The following CHRNA7 variants were observed in gnomAD, a reference collection of about 807,000 sequenced individuals.
CHRNA7 encodes cholinergic receptor nicotinic alpha 7 subunit, also known as neuronal acetylcholine receptor subunit alpha-7.
Under a neutral mutation model 48.0 loss-of-function variants are expected in CHRNA7, and 17 were observed. The ratio of observed to expected loss-of-function variants is 0.35; its 90% CI spans 0.24 to 0.53. CHRNA7 has a LOEUF of 0.53. Ranked by LOEUF, CHRNA7 falls within the 20% of genes least tolerant of loss-of-function variation. CHRNA7 has a pLI of 0.92. For missense variants in CHRNA7, 155 were observed against 577.7 expected (o/e 0.27, Z 7.50); for synonymous variants, 75 against 242.3 (o/e 0.31, Z 6.41).
intron 4 of CHRNA7, among the ~76,000 whole-genome samples, chr15:32,130,491 C>G (rs1473776615): frequency 6.6e-6 from 1 of 150,414 alleles, no homozygotes; most frequent in Non-Finnish European, 1.5e-5. Flanking sequence ...TATAGTTACT[C>G]TTGTGTTTTT....
chr15:32,083,956 A>G (rs2050255410), intron 2 of CHRNA7, among the ~76,000 whole-genome samples: 2 of 152,146 alleles, frequency 1.3e-5, no homozygotes, highest in Non-Finnish European at 1.5e-5. Flanking sequence ...TTAGCACCTC[A>G]CTATTCATCA....
chr15:32,095,828 A>T (rs1173206224), intron 2 of CHRNA7, among the ~76,000 whole-genome samples: 1 of 152,234 alleles, frequency 6.6e-6, no homozygotes, highest in East Asian at 1.9e-4. Context: ...CGTGATCGTA[A>T]TCACAGTGTT....
intron 2 of CHRNA7, 148 bp from the exon 3 acceptor site, chr15:32,101,155 T>C: frequency 1.4e-6 from 1 of 719,246 alleles, no homozygotes; most frequent in Non-Finnish European, 2.3e-6. Context: ...AGGGAAATGC[T>C]GCTTGCATAT....
intron 4 of CHRNA7, among the ~76,000 whole-genome samples, chr15:32,150,342 G>A (rs2051598603): frequency 6.6e-6 from 1 of 152,170 alleles, no homozygotes; most frequent in Non-Finnish European, 1.5e-5. Flanking sequence ...ATAGGTGTGG[G>A]CCACTGTGCC....
intron 4 of CHRNA7, chr15:32,153,356 A>C (rs1200253288): frequency 2.0e-5 from 3 of 147,014 alleles, no homozygotes; most frequent in Non-Finnish European, 4.5e-5. Context: ...CAGGAGGTGG[A>C]GCTTGCAGTG....
intron 2 of CHRNA7, among the ~76,000 whole-genome samples, chr15:32,064,830 C>T (rs765641624): frequency 1.3e-5 from 2 of 152,114 alleles, no homozygotes; most frequent in Non-Finnish European, 2.9e-5. Context: ...ACAGAGTCCT[C>T]CTCATATTTC....
intron 2 of CHRNA7, among the ~76,000 whole-genome samples, chr15:32,042,739 T>C (rs2049471758): frequency 6.6e-6 from 1 of 152,198 alleles, no homozygotes; most frequent in Non-Finnish European, 1.5e-5. Flanking sequence ...TCATCCTGTG[T>C]GTTCCCCTCT....
intron 4 of CHRNA7, among the ~76,000 whole-genome samples, chr15:32,122,887 C>CAAAAAA (rs61151556): frequency 7.4e-5 from 8 of 107,914 alleles, no homozygotes; most frequent in African/African-American, 1.1e-4. Flanking sequence ...GCTCTCAAAG[C>CAAAAAA]AAAAAAAAAA....
At chr15:32,036,724 GTCT>G (rs1333099065) in intron 2 of CHRNA7, among the ~76,000 whole-genome samples, 1 of 149,898 alleles carries the variant, frequency 6.7e-6, no homozygotes, top group African/African-American at 2.4e-5. Flanking sequence ...CCATCTGTAG[GTCT>G]TCTTTGGTAA....
intron 5 of CHRNA7, chr15:32,156,302 G>A (rs1290767276): frequency 1.2e-5 from 1 of 84,232 alleles, no homozygotes; most frequent in African/African-American, 5.3e-5. Context: ...GAGGGGGATT[G>A]TCTGTGATGA....
Position 32,170,430 on chromosome 15 carries a change from T to A in CHRNA7, c.*1972T>A, listed in dbSNP as rs535700901. 1.3e-5 allele frequency: 2 copies of A among 149,978 alleles called. No homozygotes were observed. The highest frequency in any genetic ancestry group is 1.3e-4 in the Admixed American group (2 of 14,934). The allele number at this position is 149,978 out of a possible 1,614,324, so 9.3% of individuals were successfully genotyped here. The stretch of plus-strand genomic sequence containing the variant: ...GAACCATGCACAAGATTTTCGGTTT[T>A]TTTTTTTTTTTCTGTTACAGTGTCT... On this transcript the variant is annotated 3_prime_UTR_variant, in exon 10 of 10. Coordinates refer to ENST00000306901, the MANE Select transcript of CHRNA7 (RefSeq NM_000746.6).
intron 2 of CHRNA7, among the ~76,000 whole-genome samples, chr15:32,040,627 T>G (rs779978316): frequency 2.4e-4 from 37 of 151,504 alleles, no homozygotes; most frequent in Admixed American, 1.3e-3. Flanking sequence ...TGTATATGTA[T>G]TATATATGTA....
intron 2 of CHRNA7, among the ~76,000 whole-genome samples, chr15:32,062,415 C>A (rs185313126): frequency 6.6e-6 from 1 of 152,230 alleles, no homozygotes; most frequent in Non-Finnish European, 1.5e-5. Context: ...AGAGTTAATA[C>A]TATTATCTTT....
chr15:32,051,554 C>T (rs1484785141), intron 2 of CHRNA7, among the ~76,000 whole-genome samples: 1 of 137,236 alleles, frequency 7.3e-6, no homozygotes, highest in Non-Finnish European at 1.6e-5. Context: ...CCGTCTGTCA[C>T]CCCTTTCCTT....
intron 4 of CHRNA7, among the ~76,000 whole-genome samples, chr15:32,130,642 T>C (rs897754037): frequency 3.4e-4 from 51 of 151,686 alleles, no homozygotes; most frequent in African/African-American, 1.2e-3. Flanking sequence ...CTTTTTTATT[T>C]ATAGTGTTTT....
At chr15:32,097,536 T>C (rs1419788921) in intron 2 of CHRNA7, among the ~76,000 whole-genome samples, 1 of 152,086 alleles carries the variant, frequency 6.6e-6, no homozygotes, top group Non-Finnish European at 1.5e-5. Flanking sequence ...GGTTCAACCA[T>C]AGTGGCAGGT....
rs75229673 is a variant in CHRNA7, at chr15:32,054,302, A to G, written c.195+23265A>G. On this transcript the variant is annotated intron_variant, in intron 2 of 9. Coordinates refer to ENST00000306901, the MANE Select transcript of CHRNA7 (RefSeq NM_000746.6). ...CATTAAGTGCAAATGGATGAAATTT[A>G]CAATTGAAATCACTAGTCAGGAAAC... Among the ~76,000 whole-genome samples the G allele has an allele frequency of 7.2e-5, 11 of 152,322 alleles. No individual in the cohort carries two copies. The East Asian group carries it at 2.1e-3, about 29-fold the overall frequency.
chr15:32,060,480 A>C (rs193100988), intron 2 of CHRNA7, among the ~76,000 whole-genome samples: 27 of 152,352 alleles, frequency 1.8e-4, no homozygotes, highest in South Asian at 8.3e-4. Context: ...ATAGGATATA[A>C]AGTTTTCAAA....
intron 2 of CHRNA7, among the ~76,000 whole-genome samples, chr15:32,072,065 A>G (rs1164592475): frequency 6.6e-6 from 1 of 152,202 alleles, no homozygotes; most frequent in Non-Finnish European, 1.5e-5. Flanking sequence ...TGTGACCAGA[A>G]TGCTGATGGC....
Sources: gnomAD v4.1 joint callset for allele counts (sites outside exome capture counted in the v4.1 genomes callset) on GRCh38, gnomAD v4.1.1 for gene constraint, MANE v1.5 for transcripts, NCBI Gene and HGNC (gene_info 2026-07-23, HGNC 2026-07-21) for gene names.